The following ANO2 variants were observed in gnomAD, a reference collection of about 807,000 sequenced individuals.
ANO2 encodes anoctamin-2.
ANO2 carries 101 observed loss-of-function variants against 124.2 expected under a neutral mutation model. That is an observed-to-expected ratio of 0.81 (90% CI 0.69 to 0.96). The LOEUF (loss-of-function observed/expected upper bound fraction) is 0.96, where lower values mean the gene tolerates loss of function less well. ANO2 is among the 40% of genes least tolerant of loss of function. ANO2 has a pLI of 0.00. For missense variants in ANO2, 1,293 were observed against 1,274.5 expected (o/e 1.01, Z -0.22); for synonymous variants, 486 against 482.5 (o/e 1.01, Z -0.09).
chr12:5,660,598 A>G (rs1947388545), intron 14 of ANO2, among the ~76,000 whole-genome samples: 1 of 151,638 alleles, frequency 6.6e-6, no homozygotes, highest in Non-Finnish European at 1.5e-5. Context: ...TCTCTACCAC[A>G]GCACTTATTG....
intron 4 of ANO2, among the ~76,000 whole-genome samples, chr12:5,846,842 C>T (rs1954699113): frequency 6.6e-6 from 1 of 152,182 alleles, no homozygotes; most frequent in African/African-American, 2.4e-5. Context: ...AGATCCTTAA[C>T]TAATTATATC....
intron 1 of ANO2, among the ~76,000 whole-genome samples, chr12:5,933,422 AATTAG>A (rs1451753672): frequency 6.6e-6 from 1 of 152,166 alleles, no homozygotes; most frequent in Non-Finnish European, 1.5e-5. Flanking sequence ...AGAACAACAT[AATTAG>A]ATTACATTAG....
chr12:5,873,540 C>T (rs1286034038), intron 3 of ANO2, among the ~76,000 whole-genome samples: 1 of 152,208 alleles, frequency 6.6e-6, no homozygotes, highest in African/African-American at 2.4e-5. Flanking sequence ...TAGAGGAAGC[C>T]AAGGAGAGCC....
chr12:5,850,890 A>G (rs1954870150), intron 4 of ANO2, among the ~76,000 whole-genome samples: 1 of 152,212 alleles, frequency 6.6e-6, no homozygotes, highest in South Asian at 2.1e-4. Flanking sequence ...AAAGTCCTGC[A>G]TTTACACAGC....
At chr12:5,816,189 T>C (rs1812343682) in intron 7 of ANO2, among the ~76,000 whole-genome samples, 1 of 151,446 alleles carries the variant, frequency 6.6e-6, no homozygotes, top group Non-Finnish European at 1.5e-5. Flanking sequence ...TCTGGAGGAA[T>C]ATAAGCCGAT....
intron 1 of ANO2, among the ~76,000 whole-genome samples, chr12:5,929,633 C>T (rs1188070598): frequency 6.3e-5 from 1 of 15,864 alleles, no homozygotes; most frequent in Non-Finnish European, 1.1e-4. Context: ...GTCTACCTTC[C>T]TTCCTTACTA....
chr12:5,853,890 C>A (rs1395520619), intron 4 of ANO2, among the ~76,000 whole-genome samples, 153 bp downstream of exon 4: 1 of 131,694 alleles, frequency 7.6e-6, no homozygotes, highest in Non-Finnish European at 1.6e-5. Context: ...CCCGTCCCCA[C>A]CCCCCACCCC....
chr12:5,943,900 C>T (rs541439510), intron 1 of ANO2, among the ~76,000 whole-genome samples: 13 of 152,106 alleles, frequency 8.5e-5, no homozygotes, highest in Non-Finnish European at 1.9e-4. Context: ...TGCAGCCTTG[C>T]CCCACAATGG....
intron 3 of ANO2, among the ~76,000 whole-genome samples, chr12:5,883,089 C>T (rs150174740): frequency 7.5e-4 from 114 of 152,156 alleles, no homozygotes; most frequent in African/African-American, 2.6e-3. Context: ...GAAACCCCCA[C>T]CCCCAGCACC....
At chr12:5,688,924 T>C (rs188867117) in intron 14 of ANO2, among the ~76,000 whole-genome samples, 7 of 151,820 alleles carry the variant, frequency 4.6e-5, no homozygotes, top group Admixed American at 3.9e-4. Context: ...TTTCCTGCTG[T>C]TGTGCACAAG....
At chr12:5,861,601 C>A (rs1955271947) in intron 3 of ANO2, among the ~76,000 whole-genome samples, 1 of 152,190 alleles carries the variant, frequency 6.6e-6, no homozygotes, top group South Asian at 2.1e-4. Flanking sequence ...TCCATGCTGA[C>A]CCAAGGGGCC....
intron 10 of ANO2, among the ~76,000 whole-genome samples, chr12:5,755,347 T>C (rs1053687220): frequency 4.0e-5 from 6 of 150,742 alleles, no homozygotes; most frequent in Non-Finnish European, 8.9e-5. Context: ...CTTTTGAGAA[T>C]TCAATTTTTT....
In ANO2 at chr12:5,636,625, C is replaced by CAT. The variant is rs1213748040; in HGVS notation, c.1621-1279_1621-1278insAT. 4.1e-4 allele frequency among the ~76,000 whole-genome samples: 62 copies of CAT among 150,124 alleles called. No homozygotes were observed. Among genetic ancestry groups the CAT allele is most frequent in the African/African-American group, 1.4e-3 (59 of 40,838 alleles). ...TGGACTACACACACACACACACACACACACACACACACACACACACACACG... is the reference window on the plus strand; with the variant it reads ...TGGACTACACACACACACACACACACATACACACACACACACACACACACACG... On this transcript the variant is annotated intron_variant, in intron 15 of 24. Coordinates refer to ENST00000682330, the MANE Select transcript of ANO2 (RefSeq NM_001364791.2). This position sits in a 1 kb window ranked among gnomAD's most constrained non-coding sequence, Gnocchi z 4.6.
intron 20 of ANO2, chr12:5,584,131 A>AC (rs35425375): frequency 0.16 from 21,065 of 133,086 alleles, 2,675 homozygotes; most frequent in African/African-American, 0.37. Context: ...TTTAATGAAC[A>AC]CCCCCCCCCC....
intron 14 of ANO2, among the ~76,000 whole-genome samples, chr12:5,664,506 T>G (rs1242882163): frequency 6.6e-6 from 1 of 152,252 alleles, no homozygotes; most frequent in African/African-American, 2.4e-5. Flanking sequence ...TCAATAACTT[T>G]ATGAGATATG....
rs377476350 is a variant in ANO2 at position 5,920,532 on chromosome 12, G to C, written c.534+508C>G. The stretch of plus-strand genomic sequence containing the variant: ...TGGAATCCCCTAATCAGGACCACTA[G>C]CAACACAAGACTCTTTCTCAAGCCC... On this transcript the variant is annotated intron_variant, in intron 3 of 24. Coordinates refer to ENST00000682330, the MANE Select transcript of ANO2 (RefSeq NM_001364791.2). Among the ~76,000 whole-genome samples, 16 of 152,242 alleles carry C rather than the reference G, an allele frequency of 1.1e-4. No homozygotes were observed. The East Asian group carries it at 3.1e-3, about 30-fold the overall frequency.
At chr12:5,888,398 G>C (rs6489670) in intron 3 of ANO2, among the ~76,000 whole-genome samples, 137,039 of 152,126 alleles carry the variant, frequency 0.9, 61,842 homozygotes, top group African/African-American at 0.94. Flanking sequence ...GGAAGGGGAC[G>C]CCAGCGGATT....
chr12:5,840,854 T>C (rs917577671), intron 4 of ANO2, among the ~76,000 whole-genome samples: 4 of 152,178 alleles, frequency 2.6e-5, no homozygotes, highest in African/African-American at 2.4e-5. Flanking sequence ...CGAAGTTCCA[T>C]AGTTATTACT....
At chr12:5,610,278 T>C (rs1944443919) in intron 19 of ANO2, among the ~76,000 whole-genome samples, 1 of 117,620 alleles carries the variant, frequency 8.5e-6, no homozygotes, top group Non-Finnish European at 1.6e-5. Flanking sequence ...TAAATGCATA[T>C]ATTTATACAT....
Sources: allele counts gnomAD v4.1 joint callset (sites outside exome capture counted in the v4.1 genomes callset), GRCh38; gene constraint gnomAD v4.1.1; non-coding constraint Gnocchi (gnomAD v3.1); transcripts MANE v1.5; gene names NCBI Gene and HGNC (gene_info 2026-07-23, HGNC 2026-07-21).